The following ZNF385D variants were observed in gnomAD, a reference collection of about 807,000 sequenced individuals.
ZNF385D encodes the protein zinc finger protein 385D.
Under a neutral mutation model 35.8 loss-of-function variants are expected in ZNF385D, and 15 were observed. The observed-to-expected ratio is 0.42, with a 90% confidence interval of 0.28 to 0.64. The LOEUF (loss-of-function observed/expected upper bound fraction) is 0.64, where lower values mean the gene tolerates loss of function less well. ZNF385D is among the 30% of genes least tolerant of loss of function. The pLI, the probability that ZNF385D is intolerant of heterozygous loss-of-function variation, is 0.23. For missense variants in ZNF385D, 474 were observed against 494.6 expected, an observed-to-expected ratio of 0.96 and a Z score of 0.39; for synonymous variants, 212 against 186.8, an observed-to-expected ratio of 1.13 and a Z score of -1.10.
intron 1 of ZNF385D, among the ~76,000 whole-genome samples, chr3:21,702,532 G>T (rs2067729309): frequency 6.6e-6 from 1 of 152,212 alleles, no homozygotes; most frequent in African/African-American, 2.4e-5. Flanking sequence ...TTAACATTAG[G>T]CTCCTTGCTA....
chr3:22,108,367 T>TG (rs1702335228), intron 3 of ZNF385D, among the ~76,000 whole-genome samples: 2 of 150,864 alleles, frequency 1.3e-5, no homozygotes, highest in Middle Eastern at 3.4e-3. Context: ...AGGTTTTTTT[T>TG]GTTTTTTTTT....
intron 2 of ZNF385D, among the ~76,000 whole-genome samples, chr3:21,611,105 T>G (rs188930975): frequency 1.4e-4 from 22 of 152,368 alleles, no homozygotes; most frequent in Admixed American, 1.3e-3. Flanking sequence ...TACAATCTTA[T>G]GTGGCATAAT....
chr3:22,296,354 T>A (rs62247265), intron 2 of ZNF385D, among the ~76,000 whole-genome samples: 2,709 of 152,250 alleles, frequency 0.018, 60 homozygotes, highest in South Asian at 0.095. Context: ...GTGTCACTTG[T>A]TTGAATCATA....
intron 3 of ZNF385D, among the ~76,000 whole-genome samples, chr3:21,761,684 A>G (rs1293544728): frequency 6.6e-6 from 1 of 152,148 alleles, no homozygotes; most frequent in Non-Finnish European, 1.5e-5. Context: ...TCAACTCTCA[A>G]GGGGGTGTCT....
chr3:22,010,584 A>G (rs371526444), intron 3 of ZNF385D, among the ~76,000 whole-genome samples: 11 of 152,302 alleles, frequency 7.2e-5, no homozygotes, highest in Admixed American at 5.9e-4. Context: ...CTACATTTAA[A>G]GCCTAGAAAT....
At chr3:22,094,840 G>A (rs1701528108) in intron 3 of ZNF385D, among the ~76,000 whole-genome samples, 1 of 151,978 alleles carries the variant, frequency 6.6e-6, no homozygotes, top group African/African-American at 2.4e-5. Context: ...AGTGGAAAAT[G>A]TTTTCTTGAA....
chr3:21,888,973 G>T (rs528210628), intron 3 of ZNF385D, among the ~76,000 whole-genome samples: 2 of 152,314 alleles, frequency 1.3e-5, no homozygotes, highest in South Asian at 4.1e-4. Context: ...AGAGGCTGCA[G>T]GTCTAGAGAT....
chr3:21,584,747 A>G (rs2063762458), intron 2 of ZNF385D, among the ~76,000 whole-genome samples: 1 of 151,990 alleles, frequency 6.6e-6, no homozygotes, highest in South Asian at 2.1e-4. Context: ...ATCAGTCACC[A>G]TGTTTTCAGC....
rs187649095 is a variant in ZNF385D, at chr3:22,135,053, A to T, written c.325+33764T>A. 2.3e-3 allele frequency among the ~76,000 whole-genome samples: 344 copies of T among 152,324 alleles called. 2 individuals carry two copies. Among genetic ancestry groups the T allele is most frequent in the African/African-American group, 7.4e-3 (308 of 41,582 alleles). ...ATAAGAGAATCATAGTAGAACTCTT[A>T]ACCAGAAAGAAAACAGGAAAATCTC... On this transcript the variant is annotated intron_variant, in intron 3 of 5. Transcript: ENST00000494108.
chr3:22,112,736 T>A (rs577379038), intron 3 of ZNF385D, among the ~76,000 whole-genome samples: 1 of 152,158 alleles, frequency 6.6e-6, no homozygotes, highest in African/African-American at 2.4e-5. Flanking sequence ...ATGAGTTCCA[T>A]TCTCAGGAAA....
At chr3:22,372,119 G>GCC (rs140211621) in intron 2 of ZNF385D, among the ~76,000 whole-genome samples, 9 of 151,726 alleles carry the variant, frequency 5.9e-5, no homozygotes, top group East Asian at 2.0e-4. Context: ...GGCTGACCTC[G>GCC]CCCCCCCGCC....
At chr3:21,693,680 C>T (rs1033516739) in intron 1 of ZNF385D, among the ~76,000 whole-genome samples, 4 of 152,076 alleles carry the variant, frequency 2.6e-5, no homozygotes, top group African/African-American at 4.8e-5. Context: ...GTTAGAAATA[C>T]TGGAATCATC....
At chr3:21,884,308 T>A (rs1175057026) in intron 3 of ZNF385D, among the ~76,000 whole-genome samples, 1 of 152,028 alleles carries the variant, frequency 6.6e-6, no homozygotes, top group Admixed American at 6.6e-5. Context: ...TAGACAACTC[T>A]GAAAGTAGCC....
intron 3 of ZNF385D, among the ~76,000 whole-genome samples, chr3:21,817,845 C>T (rs149791478): frequency 0.18 from 28,011 of 152,012 alleles, 3,217 homozygotes; most frequent in East Asian, 0.44. Flanking sequence ...AAGGATTATA[C>T]GTAAATCATG....
intron 3 of ZNF385D, among the ~76,000 whole-genome samples, chr3:21,558,281 T>G (rs1224634706): frequency 2.0e-5 from 3 of 152,152 alleles, no homozygotes; most frequent in Non-Finnish European, 4.4e-5. Context: ...TGCTTTCTCT[T>G]GTGGGCATCT....
chr3:21,746,783 A>T (rs1007934059), intron 1 of ZNF385D, among the ~76,000 whole-genome samples: 3 of 152,172 alleles, frequency 2.0e-5, no homozygotes, highest in African/African-American at 7.2e-5. Flanking sequence ...TGAAACCACT[A>T]AAAAGGAATG....
chr3:21,962,620 C>A (rs1425307422), intron 3 of ZNF385D, among the ~76,000 whole-genome samples: 1 of 152,174 alleles, frequency 6.6e-6, no homozygotes, highest in African/African-American at 2.4e-5. Flanking sequence ...AGCAGTTCAG[C>A]TCCCAGAAGG....
intron 3 of ZNF385D, among the ~76,000 whole-genome samples, chr3:22,157,535 G>C (rs1434537964): frequency 2.0e-5 from 3 of 151,948 alleles, no homozygotes; most frequent in Non-Finnish European, 2.9e-5. Flanking sequence ...TTCCTTACAG[G>C]AAGTGTTTAT....
At chr3:22,252,157 A>T (rs964308054) in intron 2 of ZNF385D, among the ~76,000 whole-genome samples, 2 of 152,034 alleles carry the variant, frequency 1.3e-5, no homozygotes, top group African/African-American at 4.8e-5. Flanking sequence ...GACTGTGATA[A>T]TATTATTTGC....
Sources: gnomAD v4.1 joint callset for allele counts (sites outside exome capture counted in the v4.1 genomes callset) on GRCh38, gnomAD v4.1.1 for gene constraint, MANE v1.5 for transcripts, NCBI Gene and HGNC (gene_info 2026-07-23, HGNC 2026-07-21) for gene names.